INPP4B: variants seen among roughly 807,000 people sequenced by gnomAD.
INPP4B encodes inositol polyphosphate-4-phosphatase type II B, also known as inositol polyphosphate 4-phosphatase type II.
In INPP4B, 55 loss-of-function variants were observed where a neutral mutation model predicts 122.5. The observed-to-expected ratio is 0.45, with a 90% CI of 0.36 to 0.56. The LOEUF (loss-of-function observed/expected upper bound fraction) is 0.56, where lower values mean the gene tolerates loss of function less well. Among genes scored for constraint, INPP4B ranks in the 20% least tolerant of loss-of-function variants. INPP4B has a pLI of 0.00. For synonymous variants in INPP4B, 403 were observed against 388.7 expected (o/e 1.04, Z -0.43); for missense variants, 1,000 against 1,097.7 (o/e 0.91, Z 1.26).
At chr4:142,066,270 A>T (rs1295643865) in intron 25 of INPP4B, among the ~76,000 whole-genome samples, 1 of 152,206 alleles carries the variant, frequency 6.6e-6, no homozygotes, top group Admixed American at 6.5e-5. Context: ...GAAACATCAC[A>T]TTCTACAGTC....
chr4:142,292,299 G>A (rs1269060289), intron 9 of INPP4B, among the ~76,000 whole-genome samples: 2 of 152,062 alleles, frequency 1.3e-5, no homozygotes, highest in African/African-American at 2.4e-5. Context: ...AACTTTCTTC[G>A]ATGTTACAAT....
intron 3 of INPP4B, among the ~76,000 whole-genome samples, chr4:142,447,868 A>G (rs1813248850): frequency 6.6e-6 from 1 of 152,202 alleles, no homozygotes; most frequent in Admixed American, 6.5e-5. Flanking sequence ...GCAAGGAGGT[A>G]GCCCTTATGA....
chr4:142,523,252 T>C (rs115129455), intron 2 of INPP4B, among the ~76,000 whole-genome samples: 1,893 of 152,200 alleles, frequency 0.012, 38 homozygotes, highest in African/African-American at 0.043. Context: ...GGACCAACAA[T>C]TCATGTTTTA....
intron 24 of INPP4B, 105 bp downstream of exon 24, chr4:142,086,039 C>A: frequency 1.4e-6 from 1 of 737,708 alleles, no homozygotes. Flanking sequence ...GAAGATGACA[C>A]CTGGCAACCC....
chr4:142,397,298 T>C (rs1799663029), intron 7 of INPP4B, among the ~76,000 whole-genome samples: 3 of 152,104 alleles, frequency 2.0e-5, no homozygotes. Context: ...GTAGTACACA[T>C]TTTAAAAAAG....
chr4:142,452,686 T>C (rs1225559107), intron 3 of INPP4B, among the ~76,000 whole-genome samples: 2 of 152,154 alleles, frequency 1.3e-5, no homozygotes, highest in Non-Finnish European at 2.9e-5. Flanking sequence ...TGTGAGCTTT[T>C]TACTCTGCTG....
At chr4:142,029,660 A>T (rs1398536053) in intron 25 of INPP4B, 1 of 985,626 alleles carries the variant, frequency 1.0e-6, no homozygotes, top group Non-Finnish European at 1.2e-6. Flanking sequence ...GCAGCAAAGA[A>T]GTAAAACAGG....
At chr4:142,759,596 T>G (rs1171214958) in intron 1 of INPP4B, among the ~76,000 whole-genome samples, 1 of 152,074 alleles carries the variant, frequency 6.6e-6, no homozygotes, top group Non-Finnish European at 1.5e-5. Context: ...TAATAACAAT[T>G]TTTGTATGTG....
At chr4:142,136,283 C>G (rs1015959836) in intron 18 of INPP4B, among the ~76,000 whole-genome samples, 1 of 152,164 alleles carries the variant, frequency 6.6e-6, no homozygotes, top group Non-Finnish European at 1.5e-5. Context: ...CACTGGAGAA[C>G]CCTGCAGAAC....
At chr4:142,154,705 A>C (rs956941805) in intron 17 of INPP4B, among the ~76,000 whole-genome samples, 3 of 152,162 alleles carry the variant, frequency 2.0e-5, no homozygotes, top group Non-Finnish European at 2.9e-5. Flanking sequence ...GTGCAGAATT[A>C]TATTAAGTTG....
chr4:142,576,430 AT>A (rs1012582995), intron 2 of INPP4B, among the ~76,000 whole-genome samples: 11 of 151,526 alleles, frequency 7.3e-5, no homozygotes, highest in Middle Eastern at 3.4e-3. Flanking sequence ...ATTATGACCA[AT>A]TTTTTTTTCC....
intron 3 of INPP4B, among the ~76,000 whole-genome samples, chr4:142,453,057 A>G (rs1560673734): frequency 6.6e-6 from 1 of 152,274 alleles, no homozygotes; most frequent in East Asian, 1.9e-4. Context: ...TTTTTCTGAT[A>G]CTTTTCTTCA....
chr4:142,770,832 G>A (rs1237777564), intron 1 of INPP4B, among the ~76,000 whole-genome samples: 4 of 152,114 alleles, frequency 2.6e-5, no homozygotes, highest in Non-Finnish European at 5.9e-5. Flanking sequence ...AGGCTGTGAT[G>A]TGCATAGAGA....
In INPP4B at chr4:142,465,459, T is replaced by C. The variant is rs143188081; in HGVS notation, c.-190-2733A>G. On this transcript the variant is annotated intron_variant, in intron 2 of 25. Coordinates refer to ENST00000262992, the MANE Select transcript of INPP4B (RefSeq NM_001101669.3). ...TAATTAGGACACAGAAGTTTTCTTT[T>C]AGTAGAAAATTTGAATTTCTATGCT... Among the ~76,000 whole-genome samples the C allele has an allele frequency of 5.9e-5, 9 of 152,352 alleles. 1 individual carries two copies. The highest frequency in any genetic ancestry group is 2.1e-4 in the South Asian group (1 of 4,830).
chr4:142,239,682 T>C (rs1196477920), intron 11 of INPP4B, among the ~76,000 whole-genome samples: 1 of 152,176 alleles, frequency 6.6e-6, no homozygotes, highest in Non-Finnish European at 1.5e-5. Flanking sequence ...CTAAATTTAT[T>C]ATGGTGTCCA....
intron 1 of INPP4B, among the ~76,000 whole-genome samples, chr4:142,785,881 A>T (rs1428630269): frequency 6.6e-6 from 1 of 152,084 alleles, no homozygotes; most frequent in Non-Finnish European, 1.5e-5. Context: ...ATATTCAAAC[A>T]AAATAAAACC....
chr4:142,789,192 C>T (rs1177009960), intron 1 of INPP4B, among the ~76,000 whole-genome samples: 1 of 152,082 alleles, frequency 6.6e-6, no homozygotes, highest in Admixed American at 6.6e-5. Context: ...GATGGCCACT[C>T]TCATCACTCC....
chr4:142,148,344 A>G (rs1426256234), intron 17 of INPP4B, among the ~76,000 whole-genome samples: 1 of 151,936 alleles, frequency 6.6e-6, no homozygotes, highest in African/African-American at 2.4e-5. Flanking sequence ...CCTCCCAAGT[A>G]GCTGGGACCA....
rs995751672 is a variant in INPP4B at position 142,777,636 on chromosome 4, A to G, written c.-253-51735T>C. Among the ~76,000 whole-genome samples the G allele has an allele frequency of 7.2e-5, 11 of 152,304 alleles. No individual in the cohort carries two copies. The South Asian group carries it at 2.3e-3, about 32-fold the overall frequency. ...GTTGTTTCAAGTCACTAAATTTGTT[A>G]CACAACCATAGAAAACTGATATAAT... On this transcript the variant is annotated intron_variant, in intron 1 of 25. Transcript: ENST00000262992.
Sources: allele counts gnomAD v4.1 joint callset (sites outside exome capture counted in the v4.1 genomes callset), GRCh38; gene constraint gnomAD v4.1.1; transcripts MANE v1.5; gene names NCBI Gene and HGNC (gene_info 2026-07-23, HGNC 2026-07-21).